Variants in EXOC4 observed in about 807,000 individuals in gnomAD.
EXOC4 encodes SEC8-like 1.
In EXOC4, 71 loss-of-function variants were observed where a neutral mutation model predicts 107.2. The observed-to-expected ratio is 0.66, with a 90% CI of 0.55 to 0.81. The LOEUF (loss-of-function observed/expected upper bound fraction) is 0.81. Among genes scored for constraint, EXOC4 ranks in the 30% least tolerant of loss-of-function variants. The pLI, the probability that EXOC4 is intolerant of heterozygous loss-of-function variation, is 0.00. For missense variants in EXOC4, 1,108 were observed against 1,189.6 expected (o/e 0.93, Z 1.01); for synonymous variants, 456 against 441.2 (o/e 1.03, Z -0.42).
In EXOC4 at chr7:133,475,425, C is replaced by T. The variant is rs763511126; in HGVS notation, c.1280C>T (p.Ala427Val). Reference protein sequence around the residue: ...SYASTGREFAAFFAKKKPQRP... With the variant: ...SYASTGREFAVFFAKKKPQRP... ...GCCAGCACTGGACGAGAGTTTGCAG[C>T]CTTTTTTGCCAAGAAGAAACCTCAA... Residue 427 changes from alanine to valine, a missense_variant, in exon 8 of 18, where the codon GCC becomes GTC. By Grantham distance (64) the Ala-to-Val change is moderately conservative. Coordinates refer to ENST00000253861, the MANE Select transcript of EXOC4 (RefSeq NM_021807.4). 2.3e-5 allele frequency: 37 copies of T among 1,613,992 alleles called. No homozygotes were observed. Among genetic ancestry groups the T allele is most frequent in the Admixed American group, 3.3e-5 (2 of 60,010 alleles).
intron 9 of EXOC4, among the ~76,000 whole-genome samples, chr7:133,538,910 AAGG>A (rs1466128590): frequency 1.0e-4 from 15 of 149,056 alleles, no homozygotes; most frequent in African/African-American, 3.4e-4. Context: ...GGAAGGAAGG[AAGG>A]AGGGAAGGAA....
At chr7:134,031,648 T>G in intron 17 of EXOC4, among the ~76,000 whole-genome samples, 1 of 152,186 alleles carries the variant, frequency 6.6e-6, no homozygotes, top group East Asian at 1.9e-4. Flanking sequence ...GGAAGAAGAC[T>G]TGCTTATGCT....
chr7:133,845,470 G>T (rs1018655518), intron 11 of EXOC4, among the ~76,000 whole-genome samples: 1 of 149,526 alleles, frequency 6.7e-6, no homozygotes, highest in Admixed American at 6.7e-5. Flanking sequence ...TACAACGTTT[G>T]CCCATTATAC....
chr7:133,853,623 T>C (rs1386831073), intron 11 of EXOC4, among the ~76,000 whole-genome samples: 1 of 152,202 alleles, frequency 6.6e-6, no homozygotes, highest in Non-Finnish European at 1.5e-5. Flanking sequence ...TGCCCTAATA[T>C]CTAAGTAGCT....
chr7:133,356,869 GTT>G (rs1796032854), intron 6 of EXOC4, among the ~76,000 whole-genome samples: 1 of 152,166 alleles, frequency 6.6e-6, no homozygotes, highest in Non-Finnish European at 1.5e-5. Context: ...AATCCCAGCT[GTT>G]CTGGAGGCTG....
intron 7 of EXOC4, among the ~76,000 whole-genome samples, chr7:133,438,641 A>C (rs1012336158): frequency 6.6e-6 from 1 of 152,168 alleles, no homozygotes; most frequent in African/African-American, 2.4e-5. Flanking sequence ...AAACATCCCA[A>C]GTTTTAATGA....
chr7:134,090,582 G>T, the EXOC4 span, among the ~76,000 whole-genome samples: 1 of 152,160 alleles, frequency 6.6e-6, no homozygotes, highest in Admixed American at 6.5e-5. Context: ...CAGAGAGAAA[G>T]CATTTCCTGA....
chr7:133,447,619 TTATC>T (rs1798248741), intron 7 of EXOC4, among the ~76,000 whole-genome samples: 1 of 151,958 alleles, frequency 6.6e-6, no homozygotes. Context: ...TTTTTTCTGT[TTATC>T]AATAAATGTA....
intron 9 of EXOC4, among the ~76,000 whole-genome samples, chr7:133,554,336 A>G (rs1048803507): frequency 3.3e-5 from 5 of 152,204 alleles, no homozygotes; most frequent in Non-Finnish European, 7.3e-5. Flanking sequence ...ACAGCCATCT[A>G]TGTTTAAATT....
At chr7:133,765,897 G>A (rs1222424575) in intron 10 of EXOC4, among the ~76,000 whole-genome samples, 2 of 151,964 alleles carry the variant, frequency 1.3e-5, no homozygotes, top group African/African-American at 4.8e-5. Context: ...TCGAAGGACA[G>A]ATTACTTACT....
intron 9 of EXOC4, among the ~76,000 whole-genome samples, chr7:133,548,954 A>G (rs1415050718): frequency 1.3e-5 from 2 of 152,168 alleles, no homozygotes; most frequent in African/African-American, 2.4e-5. Context: ...TTGGCTTTCT[A>G]CGTGCCTTCC....
chr7:134,063,042 A>G (rs1401208628), intron 17 of EXOC4, among the ~76,000 whole-genome samples: 1 of 152,142 alleles, frequency 6.6e-6, no homozygotes, highest in African/African-American at 2.4e-5. Flanking sequence ...CACAATTTTG[A>G]ATGGCACCTC....
intron 7 of EXOC4, among the ~76,000 whole-genome samples, chr7:133,432,220 A>G (rs2150777065): frequency 6.6e-6 from 1 of 152,206 alleles, no homozygotes; most frequent in South Asian, 2.1e-4. Context: ...ATAGTGAGGA[A>G]AAAAAAACAA....
chr7:133,679,999 T>A (rs1794153147), intron 10 of EXOC4, among the ~76,000 whole-genome samples: 1 of 152,214 alleles, frequency 6.6e-6, no homozygotes, highest in Non-Finnish European at 1.5e-5. Context: ...TAATTTTTTT[T>A]ATTTAAGTAA....
chr7:133,366,534 CTG>C (rs1244527046), intron 6 of EXOC4, among the ~76,000 whole-genome samples: 13 of 152,102 alleles, frequency 8.5e-5, no homozygotes, highest in African/African-American at 3.1e-4. Flanking sequence ...CAGTTCGTAA[CTG>C]TACTTCATGT....
chr7:133,754,160 A>G (rs1021666370), intron 10 of EXOC4, among the ~76,000 whole-genome samples: 1 of 152,164 alleles, frequency 6.6e-6, no homozygotes, highest in Non-Finnish European at 1.5e-5. Flanking sequence ...TTTTGTCACA[A>G]GAATTGACAG....
At chr7:133,473,417 T>C (rs914043476) in intron 7 of EXOC4, among the ~76,000 whole-genome samples, 1 of 152,192 alleles carries the variant, frequency 6.6e-6, no homozygotes, top group African/African-American at 2.4e-5. Flanking sequence ...ATAAAGTACA[T>C]TTACTGCCAC....
chr7:133,707,388 A>T (rs1794790913), intron 10 of EXOC4, among the ~76,000 whole-genome samples: 1 of 151,830 alleles, frequency 6.6e-6, no homozygotes, highest in African/African-American at 2.4e-5. Flanking sequence ...TTATTGACAT[A>T]TCAAAAGAAA....
intron 9 of EXOC4, among the ~76,000 whole-genome samples, chr7:133,540,294 T>C (rs1045105069): frequency 1.3e-5 from 2 of 152,216 alleles, no homozygotes; most frequent in African/African-American, 4.8e-5. Context: ...GGATTTCTTT[T>C]TTCTTCAAAC....
Sources: gnomAD v4.1 joint callset for allele counts (sites outside exome capture counted in the v4.1 genomes callset) on GRCh38, gnomAD v4.1.1 for gene constraint, MANE v1.5 for transcripts, NCBI Gene and HGNC (gene_info 2026-07-23, HGNC 2026-07-21) for gene names.